The following ME1 variants were observed in gnomAD, a reference collection of about 807,000 sequenced individuals.
ME1 encodes malic enzyme 1, also known as NADP-dependent malic enzyme.
Under a neutral mutation model 66.4 loss-of-function variants are expected in ME1, and 74 were observed. The ratio of observed to expected loss-of-function variants is 1.11; its 90% CI spans 0.92 to 1.35. The LOEUF (loss-of-function observed/expected upper bound fraction) is 1.35, where lower values mean the gene tolerates loss of function less well. ME1 is among the 40% of genes most tolerant of loss of function. ME1 has a pLI of 0.00. For missense variants in ME1, 750 were observed against 694.1 expected (o/e 1.08, Z -0.90); for synonymous variants, 251 against 235.6 (o/e 1.07, Z -0.60).
chr6:83,416,755 G>T (rs1770166621), intron 1 of ME1, among the ~76,000 whole-genome samples: 1 of 151,982 alleles, frequency 6.6e-6, no homozygotes, highest in Non-Finnish European at 1.5e-5. Context: ...AATTAGCTGG[G>T]TGTGGTGGCA....
In ME1 at chr6:83,223,842, T is replaced by C. The variant is rs1790136580; in HGVS notation, c.1367A>G (p.Tyr456Cys). 8 of 1,613,960 alleles carry C rather than the reference T, an allele frequency of 5.0e-6. No individual in the cohort carries two copies. Among genetic ancestry groups the C allele is most frequent in the Non-Finnish European group, 5.9e-6 (7 of 1,179,934 alleles). ...ACCAAGAGCAACTCCAGGGAACACA[T>C]AGGAATTGTTGCCTTGGCCAGGATA... ...TLYPGQGNNS[Y>C]VFPGVALGVV... is the part of the protein sequence containing the mutation. The change falls in exon 12 of 14, where the codon TAT becomes TGT. Residue 456 changes from tyrosine (Y) to cysteine (C), a missense_variant. By Grantham distance (194) the Tyr-to-Cys change is radical. Transcript: ENST00000369705.
intron 1 of ME1, among the ~76,000 whole-genome samples, chr6:83,416,155 C>CT (rs1236516540): frequency 2.0e-5 from 3 of 152,030 alleles, no homozygotes; most frequent in African/African-American, 7.3e-5. Flanking sequence ...CTAAATAAGA[C>CT]TAATCAACTA....
At chr6:83,285,148 C>G (rs1767373852) in intron 6 of ME1, among the ~76,000 whole-genome samples, 1 of 152,210 alleles carries the variant, frequency 6.6e-6, no homozygotes, top group Admixed American at 6.5e-5. Flanking sequence ...ATACGACAAC[C>G]TTAACCAGCA....
intron 6 of ME1, among the ~76,000 whole-genome samples, chr6:83,274,912 A>T (rs751250296): frequency 6.6e-6 from 1 of 152,248 alleles, no homozygotes; most frequent in Non-Finnish European, 1.5e-5. Flanking sequence ...TTTTACAAAA[A>T]TATTTAATCA....
intron 5 of ME1, among the ~76,000 whole-genome samples, chr6:83,330,046 C>T (rs529769351): frequency 2.0e-5 from 3 of 152,248 alleles, no homozygotes; most frequent in African/African-American, 7.2e-5. Flanking sequence ...GTCTTGAACT[C>T]CTGGGCTCAA....
chr6:83,330,198 C>A (rs775970166), intron 5 of ME1, among the ~76,000 whole-genome samples: 46 of 152,150 alleles, frequency 3.0e-4, no homozygotes, highest in Non-Finnish European at 5.7e-4. Flanking sequence ...ACTGATGTAA[C>A]TATTCCTCAT....
intron 12 of ME1, 132 bp downstream of exon 12, chr6:83,223,628 C>T (rs1443980116): frequency 1.3e-6 from 1 of 799,368 alleles, no homozygotes; most frequent in Non-Finnish European, 1.9e-6. Context: ...TTATACTCCA[C>T]TGGGAAGTTC....
At chr6:83,368,206 G>C (rs1348609061) in intron 3 of ME1, among the ~76,000 whole-genome samples, 2 of 151,732 alleles carry the variant, frequency 1.3e-5, no homozygotes, top group African/African-American at 4.8e-5. Flanking sequence ...TCTGATTACA[G>C]ATATAAGATC....
At chr6:83,345,229 G>A (rs12201760) in intron 5 of ME1, among the ~76,000 whole-genome samples, 8,526 of 152,248 alleles carry the variant, frequency 0.056, 305 homozygotes, top group Admixed American at 0.098. Context: ...AAAGAGGCCA[G>A]CTTTGATAAT....
chr6:83,418,176 G>C (rs1312364480), intron 1 of ME1, among the ~76,000 whole-genome samples: 2 of 152,202 alleles, frequency 1.3e-5, no homozygotes, highest in African/African-American at 4.8e-5. Context: ...CGCTGTATTG[G>C]TCAGTTTTCC....
intron 6 of ME1, among the ~76,000 whole-genome samples, chr6:83,289,402 G>C (rs187071019): frequency 6.6e-6 from 1 of 152,306 alleles, no homozygotes; most frequent in African/African-American, 2.4e-5. Flanking sequence ...CATCTATTGA[G>C]ATAATCATGT....
chr6:83,388,094 T>C (rs1291384660), intron 3 of ME1, among the ~76,000 whole-genome samples: 9 of 148,466 alleles, frequency 6.1e-5, no homozygotes, highest in Non-Finnish European at 1.5e-5. Flanking sequence ...TTCCTTCCTT[T>C]TTTTTTTTGG....
intron 1 of ME1, among the ~76,000 whole-genome samples, chr6:83,419,186 G>C (rs886146566): frequency 1.3e-5 from 2 of 152,132 alleles, no homozygotes; most frequent in Non-Finnish European, 2.9e-5. Context: ...TAAAAATGTT[G>C]TGAGTTTAGC....
At chr6:83,393,230 C>A in intron 3 of ME1, 1 of 1,136,782 alleles carries the variant, frequency 8.8e-7, no homozygotes, top group Non-Finnish European at 1.3e-6. Flanking sequence ...TCCTGGGCTA[C>A]TCTGAGCACC....
At chr6:83,249,843 C>G (rs954120962) in intron 7 of ME1, among the ~76,000 whole-genome samples, 3 of 152,126 alleles carry the variant, frequency 2.0e-5, no homozygotes, top group Non-Finnish European at 2.9e-5. Flanking sequence ...TTCTTCAACC[C>G]CATTGGAATG....
At chr6:83,400,248 C>T (rs888339845) in intron 2 of ME1, among the ~76,000 whole-genome samples, 1 of 152,118 alleles carries the variant, frequency 6.6e-6, no homozygotes, top group Non-Finnish European at 1.5e-5. Flanking sequence ...AATGGCTTAG[C>T]ACCAATCCCT....
At chr6:83,266,113 A>C (rs189794101) in intron 6 of ME1, among the ~76,000 whole-genome samples, 14 of 152,322 alleles carry the variant, frequency 9.2e-5, no homozygotes, top group African/African-American at 3.1e-4. Context: ...ATCATTGTAC[A>C]GCGTTCCAGA....
intron 6 of ME1, among the ~76,000 whole-genome samples, chr6:83,288,498 T>C (rs1403987425): frequency 6.6e-6 from 1 of 152,188 alleles, no homozygotes; most frequent in Non-Finnish European, 1.5e-5. Flanking sequence ...GCCTCCGTTC[T>C]GTTCCATTGG....
chr6:83,243,104 T>G (rs559232805), intron 7 of ME1, among the ~76,000 whole-genome samples: 1 of 148,252 alleles, frequency 6.7e-6, no homozygotes, highest in Non-Finnish European at 1.5e-5. Flanking sequence ...CCCCCAAAAA[T>G]TTTTTTTTTA....
Sources: gnomAD v4.1 joint callset for allele counts (sites outside exome capture counted in the v4.1 genomes callset) on GRCh38, gnomAD v4.1.1 for gene constraint, MANE v1.5 for transcripts, NCBI Gene and HGNC (gene_info 2026-07-23, HGNC 2026-07-21) for gene names.